The following GABRP variants were observed in gnomAD, a reference collection of about 807,000 sequenced individuals.
GABRP encodes gamma-aminobutyric acid receptor subunit pi.
Under a neutral mutation model 47.8 loss-of-function variants are expected in GABRP, and 52 were observed. The ratio of observed to expected loss-of-function variants is 1.09; its 90% CI spans 0.87 to 1.37. GABRP has a LOEUF of 1.37. Ranked by LOEUF, GABRP falls within the 40% of genes most tolerant of loss-of-function variation. GABRP has a pLI of 0.00. For synonymous variants in GABRP, 221 were observed against 205.8 expected (o/e 1.07, Z -0.63); for missense variants, 525 against 542.8 (o/e 0.97, Z 0.33).
intron 6 of GABRP, 97 bp downstream of exon 6, chr5:170,797,645 T>C: frequency 1.3e-6 from 1 of 753,646 alleles, no homozygotes; most frequent in Non-Finnish European, 2.4e-6. Flanking sequence ...ACCTTTCTTT[T>C]CTTAATGTTG....
At chr5:170,805,633 C>A in intron 6 of GABRP, 83 bp from the exon 7 acceptor site, 1 of 1,455,912 alleles carries the variant, frequency 6.9e-7, no homozygotes, top group South Asian at 1.3e-5. Flanking sequence ...CTCATGCTGT[C>A]TCCATATTAT....
In GABRP at chr5:170,789,468, C is replaced by A. The variant is rs1021630122; in HGVS notation, c.172+221C>A. Among the ~76,000 whole-genome samples, 4 of 152,190 alleles carry A rather than the reference C, an allele frequency of 2.6e-5. No individual in the cohort carries two copies. The East Asian group carries it at 7.7e-4, about 29-fold the overall frequency. On this transcript the variant is annotated intron_variant, in intron 3 of 9. Transcript: ENST00000265294. ...CAAGATAAAGGAATGCTCCTTCTCA[C>A]TGTGGAGGCTGCAAGAGCCTCCTAA... is the stretch of plus-strand genomic sequence containing the variant.
At chr5:170,792,000 T>C (rs1765285086) in intron 3 of GABRP, among the ~76,000 whole-genome samples, 1 of 152,224 alleles carries the variant, frequency 6.6e-6, no homozygotes. Context: ...CCTTTTATCA[T>C]GGCACCAGTT....
At chr5:170,808,859 T>C (rs1765807669) in intron 8 of GABRP, 107 bp downstream of exon 8, 1 of 930,838 alleles carries the variant, frequency 1.1e-6, no homozygotes, top group African/African-American at 1.7e-5. Flanking sequence ...TTCCAAGAGT[T>C]GTTTTCTTGG....
At chr5:170,794,943 T>C (rs1225375539) in intron 4 of GABRP, among the ~76,000 whole-genome samples, 2 of 150,442 alleles carry the variant, frequency 1.3e-5, no homozygotes, top group Non-Finnish European at 3.0e-5. Flanking sequence ...GGAGCTATTA[T>C]CTAGAATAAA....
Position 170,799,907 on chromosome 5 carries a change from C to T in GABRP, c.541+2359C>T, listed in dbSNP as rs369309433. Among the ~76,000 whole-genome samples, 126 of 152,210 alleles carry T rather than the reference C, an allele frequency of 8.3e-4. 2 individuals are homozygous for T. In the South Asian group the frequency reaches 0.026, roughly 31 times the overall value. On this transcript the variant is annotated intron_variant, in intron 6 of 9. Coordinates refer to ENST00000265294, the MANE Select transcript of GABRP (RefSeq NM_014211.3). The stretch of plus-strand genomic sequence containing the variant: ...GGAAGAATCAATATCGTGAAAATGG[C>T]CATACTACCCAAGGAAATTTATAGA...
intron 8 of GABRP, among the ~76,000 whole-genome samples, 181 bp downstream of exon 8, chr5:170,808,933 TTTG>T (rs143615725): frequency 1.2e-4 from 18 of 151,956 alleles, no homozygotes; most frequent in East Asian, 1.2e-3. Context: ...TTCTGGGTTT[TTTG>T]TTGTTGTTTT....
At chr5:170,807,947 C>T (rs941755236) in intron 7 of GABRP, among the ~76,000 whole-genome samples, 1 of 152,160 alleles carries the variant, frequency 6.6e-6, no homozygotes, top group Non-Finnish European at 1.5e-5. Flanking sequence ...CACTACTGCT[C>T]ACCTCCCCAT....
intron 8 of GABRP, 87 bp downstream of exon 8, chr5:170,808,839 C>A: frequency 8.6e-7 from 1 of 1,164,478 alleles, no homozygotes; most frequent in Non-Finnish European, 1.2e-6. Context: ...CATTGATATT[C>A]CTAAGGCAGT....
In GABRP at chr5:170,813,885, G is replaced by A. The variant is rs1280895651; in HGVS notation, c.*1627G>A. ...ATGGGTGGGAGTGCTGGTGAAAAGA[G>A]GTGAAATGTGGTTGTATGAGCCAAT... On this transcript the variant is annotated 3_prime_UTR_variant, in exon 10 of 10. Transcript: ENST00000265294. 3.9e-5 allele frequency: 6 copies of A among 152,034 alleles called. No individual in the cohort carries two copies. Among genetic ancestry groups the A allele is most frequent in the African/African-American group, 1.5e-4 (6 of 41,362 alleles). The allele number at this position is 152,034 out of a possible 1,614,324, so 9.4% of individuals were successfully genotyped here.
chr5:170,800,327 A>C (rs1765556865), intron 6 of GABRP, among the ~76,000 whole-genome samples: 2 of 152,242 alleles, frequency 1.3e-5, no homozygotes, highest in Non-Finnish European at 1.5e-5. Flanking sequence ...CTTACACCTT[A>C]TATGAAAATT....
chr5:170,803,176 C>T (rs905801494), intron 6 of GABRP, among the ~76,000 whole-genome samples: 1 of 152,050 alleles, frequency 6.6e-6, no homozygotes, highest in Admixed American at 6.6e-5. Flanking sequence ...CCTGGAAATC[C>T]CCTAAGAGTT....
chr5:170,790,697 T>A (rs1374669210), intron 3 of GABRP, among the ~76,000 whole-genome samples: 1 of 152,096 alleles, frequency 6.6e-6, no homozygotes, highest in African/African-American at 2.4e-5. Flanking sequence ...GTGTTTGGAA[T>A]GACCACCAGG....
chr5:170,788,737 G>A lies in GABRP; in HGVS notation c.53+69G>A. 3 of 1,463,806 alleles carry A rather than the reference G, an allele frequency of 2.0e-6. No homozygotes were observed. In the South Asian group the frequency reaches 3.4e-5, roughly 17 times the overall value. The allele number at this position is 1,463,806 out of a possible 1,614,324, so 90.7% of individuals were successfully genotyped here. A position where few individuals can be genotyped will look rare whatever the true frequency, so the allele number is the denominator to read the frequency against. On this transcript the variant is annotated intron_variant, in intron 2 of 9. Transcript: ENST00000265294. ...TGCATTCGGGCATGTGGTGGGAGGG[G>A]GCAGCTCCTCCTATTCACCCACAGC...
At chr5:170,808,851 C>T (rs1049076642) in intron 8 of GABRP, 99 bp downstream of exon 8, 2 of 1,001,582 alleles carry the variant, frequency 2.0e-6, no homozygotes, top group African/African-American at 3.2e-5. Context: ...TAAGGCAGTT[C>T]CAAGAGTTGT....
chr5:170,786,099 G>T (rs1336193309), intron 1 of GABRP, among the ~76,000 whole-genome samples: 1 of 152,158 alleles, frequency 6.6e-6, no homozygotes, highest in Non-Finnish European at 1.5e-5. Flanking sequence ...CTCACTAGAT[G>T]GGTGGGTGCT....
At chr5:170,798,794 T>A (rs959656427) in intron 6 of GABRP, among the ~76,000 whole-genome samples, 10 of 152,196 alleles carry the variant, frequency 6.6e-5, no homozygotes, top group East Asian at 5.8e-4. Flanking sequence ...TTTTTTTGTT[T>A]TATATATATA....
chr5:170,790,011 T>C lies in GABRP; in HGVS notation c.172+764T>C, dbSNP rs180897358. On this transcript the variant is annotated intron_variant, in intron 3 of 9. Transcript: ENST00000265294. Reference sequence around the variant, plus strand: ...TCCTTGTGAACATGCCTCAAAATCATAGCCGTTCCCATTATGCTATAACTG... The same window carrying C: ...TCCTTGTGAACATGCCTCAAAATCACAGCCGTTCCCATTATGCTATAACTG... Among the ~76,000 whole-genome samples the C allele has an allele frequency of 1.0e-3, 155 of 152,298 alleles. 1 individual carries two copies. Among genetic ancestry groups the C allele is most frequent in the African/African-American group, 3.5e-3 (145 of 41,558 alleles).
In GABRP at chr5:170,805,790, C is replaced by T. The variant is rs758743196; in HGVS notation, c.616C>T (p.Arg206Trp). The T allele has an allele frequency of 1.7e-5, 28 of 1,614,082 alleles. No individual in the cohort carries two copies. Among genetic ancestry groups the T allele is most frequent in the South Asian group, 6.6e-5 (6 of 91,092 alleles). ...NDSVRGLEHL[R>W]LAQYTIERYF... ...CTCTGTGCGTGGACTGGAACACCTG[C>T]GGCTTGCTCAGTACACCATAGAGCG... Residue 206 changes from arginine to tryptophan, a missense_variant, in exon 7 of 10, where the codon CGG becomes TGG. Arg to Trp is a moderately radical substitution (Grantham distance 101, BLOSUM62 -3). Coordinates refer to ENST00000265294, the MANE Select transcript of GABRP (RefSeq NM_014211.3).
Sources: gnomAD v4.1 joint callset for allele counts (sites outside exome capture counted in the v4.1 genomes callset) on GRCh38, gnomAD v4.1.1 for gene constraint, MANE v1.5 for transcripts, NCBI Gene and HGNC (gene_info 2026-07-23, HGNC 2026-07-21) for gene names.